The following SLC43A1 variants were observed in gnomAD, a reference collection of about 807,000 sequenced individuals.
SLC43A1 encodes solute carrier family 43 member 1.
SLC43A1 carries 31 observed loss-of-function variants against 59.5 expected under a neutral mutation model. The ratio of observed to expected loss-of-function variants is 0.52; its 90% CI spans 0.39 to 0.70. The LOEUF is 0.70. Among genes scored for constraint, SLC43A1 ranks in the 30% least tolerant of loss-of-function variants. The pLI is 0.00. For synonymous variants in SLC43A1, 259 were observed against 290.9 expected (o/e 0.89, Z 1.12); for missense variants, 598 against 717.8 (o/e 0.83, Z 1.91).
intron 2 of SLC43A1, among the ~76,000 whole-genome samples, chr11:57,505,586 CAT>C (rs1565139459): frequency 1.3e-5 from 2 of 151,942 alleles, no homozygotes; most frequent in South Asian, 2.1e-4. Context: ...GTATTAGAAA[CAT>C]ACATGTATAT....
Position 57,513,940 on chromosome 11 carries a change from G to A in SLC43A1, c.154+18C>T. 5.5e-6 allele frequency: 3 copies of A among 544,204 alleles called. No homozygotes were observed. The highest frequency in any genetic ancestry group is 1.5e-5 in the South Asian group (1 of 65,972). The allele number at this position is 544,204 out of a possible 1,614,324, so 33.7% of individuals were successfully genotyped here. ...GCCATCCCTCCCCCCAGCCCACCCA[G>A]CCCATTTTCAGGCATACCTGGGCAC... On this transcript the variant is annotated intron_variant, in intron 2 of 14. Coordinates refer to ENST00000278426, the MANE Select transcript of SLC43A1 (RefSeq NM_003627.6).
chr11:57,496,387 G>C (rs1044330925), intron 6 of SLC43A1, among the ~76,000 whole-genome samples: 4 of 152,116 alleles, frequency 2.6e-5, no homozygotes, highest in Admixed American at 2.6e-4. Context: ...CTATGAAATA[G>C]TCTCCACAAA....
chr11:57,494,023 C>A lies in SLC43A1; in HGVS notation c.841G>T (p.Val281Phe). ...GSDAFMSPQD[V>F]RGTSENLPER... ...GGAAGGTTTTCTGAGGTGCCCCGAA[C>A]ATCCTGGGGTGACATGAAGGCATCC... is the stretch of plus-strand genomic sequence containing the variant. The change falls in exon 8 of 15, where the codon GTT (valine) becomes TTT (phenylalanine). Residue 281 changes from valine to phenylalanine, a missense_variant. Transcript: ENST00000278426. 12 of 1,601,898 alleles carry A rather than the reference C, an allele frequency of 7.5e-6. No homozygotes were observed. Among genetic ancestry groups the A allele is most frequent in the Non-Finnish European group, 1.0e-5 (12 of 1,175,538 alleles).
Position 57,488,832 on chromosome 11 carries a change from GC to G in SLC43A1, c.1409+83del. ...CTCAGAGAGAGGTGCATTAGGGGATGCCTGGGGCCCTCCCAACCCTTCCCTG... is the reference window on the plus strand; with the variant it reads ...CTCAGAGAGAGGTGCATTAGGGGATGCTGGGGCCCTCCCAACCCTTCCCTG... On this transcript the variant is annotated intron_variant, in intron 13 of 14. Coordinates refer to ENST00000278426, the MANE Select transcript of SLC43A1 (RefSeq NM_003627.6). 3 of 1,150,968 alleles carry G rather than the reference GC, an allele frequency of 2.6e-6. No individual in the cohort carries two copies. The South Asian group carries it at 3.7e-5, about 14-fold the overall frequency. 71.3% of individuals were successfully genotyped at this position (1,150,968 alleles called of 1,614,324 possible). A position where few individuals can be genotyped will look rare whatever the true frequency, so the allele number is the denominator to read the frequency against.
intron 2 of SLC43A1, among the ~76,000 whole-genome samples, chr11:57,504,037 C>T (rs1489619345): frequency 6.7e-6 from 1 of 148,802 alleles, no homozygotes; most frequent in Admixed American, 6.7e-5. Context: ...ACTAAAAATA[C>T]AAAAAAAAAA....
chr11:57,514,924 G>A lies in SLC43A1; in HGVS notation c.-14+520C>T. ...CGGTGGCGGATGGGCTGGCGGGCGG[G>A]TGTGTTTACCAAAGGGAGGGAAAGA... On this transcript the variant is annotated intron_variant, in intron 1 of 14. Transcript: ENST00000278426. This position sits in a 1 kb window ranked among gnomAD's most constrained non-coding sequence, Gnocchi z 5.5. 1 of 975,154 alleles carries A rather than the reference G, an allele frequency of 1.0e-6. No individual in the cohort carries two copies. Among genetic ancestry groups the A allele is most frequent in the Non-Finnish European group, 1.2e-6 (1 of 820,614 alleles). The allele number at this position is 975,154 out of a possible 1,614,324, so 60.4% of individuals were successfully genotyped here.
Position 57,491,736 on chromosome 11 carries a change from A to G in SLC43A1, c.998T>C (p.Val333Ala). Residue 333 changes from valine to alanine, a missense_variant, in exon 9 of 15, where the codon GTG (valine) becomes GCG (alanine). Val to Ala is a moderately conservative substitution (Grantham distance 64). Transcript: ENST00000278426. ...CTCACCATGCTCCTGGCCACCAGTC[A>G]CAAGGTACTCCAGCATCTTGTTCAC... ...AAVNKMLEYLVTGGQEHETNE... is the reference protein window; with the variant it reads ...AAVNKMLEYLATGGQEHETNE... 1 of 1,614,220 alleles carries G rather than the reference A, an allele frequency of 6.2e-7. No individual in the cohort carries two copies. The highest frequency in any genetic ancestry group is 8.5e-7 in the Non-Finnish European group (1 of 1,180,034).
rs1198358960 is a variant in SLC43A1, at chr11:57,501,140, C to T, written c.332+12G>A. The T allele has an allele frequency of 1.2e-6, 2 of 1,612,766 alleles. No individual in the cohort carries two copies. The highest frequency in any genetic ancestry group is 8.5e-7 in the Non-Finnish European group (1 of 1,179,726). On this transcript the variant is annotated intron_variant, in intron 3 of 14. Coordinates refer to ENST00000278426, the MANE Select transcript of SLC43A1 (RefSeq NM_003627.6). ...CCCTGTCCTCCCGTTCCCCATAGCCCAGCCACCTCACCTGCCAACCAGCCG... is the reference window on the plus strand; with the variant it reads ...CCCTGTCCTCCCGTTCCCCATAGCCTAGCCACCTCACCTGCCAACCAGCCG...
At chr11:57,486,722 T>C (rs999532740) in intron 14 of SLC43A1, among the ~76,000 whole-genome samples, 5 of 150,672 alleles carry the variant, frequency 3.3e-5, no homozygotes, top group African/African-American at 4.9e-5. Flanking sequence ...GGCAGGAGAA[T>C]GGCATGAACC....
chr11:57,512,035 A>AC (rs1197904560), intron 2 of SLC43A1, among the ~76,000 whole-genome samples: 1 of 152,164 alleles, frequency 6.6e-6, no homozygotes, highest in Non-Finnish European at 1.5e-5. Flanking sequence ...CTGTTAAATT[A>AC]TATACTTGAA....
rs914920874 is a variant in SLC43A1, at chr11:57,514,029, G to A, written c.83C>T (p.Ala28Val). The A allele has an allele frequency of 1.3e-6, 2 of 1,598,172 alleles. No individual in the cohort carries two copies. Among genetic ancestry groups the A allele is most frequent in the African/African-American group, 1.3e-5 (1 of 74,472 alleles). Reference protein sequence around the residue: ...TAVLENLFFSAVLLGWGSLLI... With the variant: ...TAVLENLFFSVVLLGWGSLLI... Reference sequence around the variant, plus strand: ...CAGGGAGCCCCAGCCCAGGAGTACAGCAGAGAAGAAGAGGTTCTCCAGCAC... The same window carrying A: ...CAGGGAGCCCCAGCCCAGGAGTACAACAGAGAAGAAGAGGTTCTCCAGCAC... Residue 28 changes from alanine (A) to valine (V), a missense_variant, in exon 2 of 15, where the codon GCT becomes GTT. By Grantham distance (64) the Ala-to-Val change is moderately conservative. Coordinates refer to ENST00000278426, the MANE Select transcript of SLC43A1 (RefSeq NM_003627.6). The surrounding 1 kb of genome is among the most constrained non-coding windows in gnomAD (Gnocchi z 5.5).
In SLC43A1 at chr11:57,488,999, A is replaced by T; in HGVS notation, c.1336-10T>A. Reference sequence around the variant, plus strand: ...GGACAAAGGTCACAAACTAAAACCAAAAAGAGAGAGTGAAGAGGTTAGGAG... The same window carrying T: ...GGACAAAGGTCACAAACTAAAACCATAAAGAGAGAGTGAAGAGGTTAGGAG... On this transcript the variant is annotated splice_polypyrimidine_tract_variant and intron_variant, in intron 12 of 14. Coordinates refer to ENST00000278426, the MANE Select transcript of SLC43A1 (RefSeq NM_003627.6). The T allele has an allele frequency of 6.2e-7, 1 of 1,613,404 alleles. No individual in the cohort carries two copies. Among genetic ancestry groups the T allele is most frequent in the South Asian group, 1.1e-5 (1 of 91,074 alleles).
intron 7 of SLC43A1, among the ~76,000 whole-genome samples, chr11:57,494,719 A>G (rs578194361): frequency 5.2e-4 from 79 of 152,202 alleles, no homozygotes; most frequent in Non-Finnish European, 1.0e-3. Context: ...GTGGCTCCAC[A>G]AAAGATGGGG....
chr11:57,500,167 C>T (rs549875975), intron 5 of SLC43A1, among the ~76,000 whole-genome samples: 1 of 152,326 alleles, frequency 6.6e-6, no homozygotes, highest in African/African-American at 2.4e-5. Flanking sequence ...ACACCACTCA[C>T]CACATGTAAT....
At chr11:57,497,123 C>T (rs1944112314) in intron 6 of SLC43A1, among the ~76,000 whole-genome samples, 1 of 152,208 alleles carries the variant, frequency 6.6e-6, no homozygotes, top group African/African-American at 2.4e-5. Flanking sequence ...AAAGTACCTT[C>T]TTTAGTACTC....
At chr11:57,503,953 G>A (rs1329525508) in intron 2 of SLC43A1, among the ~76,000 whole-genome samples, 1 of 152,120 alleles carries the variant, frequency 6.6e-6, no homozygotes, top group African/African-American at 2.4e-5. Context: ...CAGCACTTTG[G>A]GAGGCCAAGG....
Position 57,515,481 on chromosome 11 carries a change from A to C in SLC43A1, c.-51T>G, listed in dbSNP as rs1305702761. ...GCAAATGAGCAGCCAGCAGCTGCGG[A>C]CGCCTCCGGGAGCGCAACGCTTTCG... On this transcript the variant is annotated 5_prime_UTR_variant, in exon 1 of 15. Transcript: ENST00000278426. The surrounding 1 kb of genome is among the most constrained non-coding windows in gnomAD (Gnocchi z 5.3). 1 of 152,192 alleles carries C rather than the reference A, an allele frequency of 6.6e-6. No homozygotes were observed. The highest frequency in any genetic ancestry group is 2.4e-5 in the African/African-American group (1 of 41,412). The allele number at this position is 152,192 out of a possible 1,614,324, so 9.4% of individuals were successfully genotyped here.
chr11:57,490,886 G>C (rs927459205), intron 11 of SLC43A1, among the ~76,000 whole-genome samples: 3 of 152,236 alleles, frequency 2.0e-5, no homozygotes, highest in Non-Finnish European at 4.4e-5. Flanking sequence ...ACTGAAAGCT[G>C]TGTGATCTTG....
At chr11:57,507,209 T>C (rs1944413230) in intron 2 of SLC43A1, among the ~76,000 whole-genome samples, 1 of 152,196 alleles carries the variant, frequency 6.6e-6, no homozygotes, top group African/African-American at 2.4e-5. Flanking sequence ...GGCTCACGCC[T>C]GTAATCCTAG....
Sources: gnomAD v4.1 joint callset for allele counts (sites outside exome capture counted in the v4.1 genomes callset) on GRCh38, gnomAD v4.1.1 for gene constraint, Gnocchi (gnomAD v3.1) non-coding constraint, MANE v1.5 for transcripts, NCBI Gene and HGNC (gene_info 2026-07-23, HGNC 2026-07-21) for gene names.